Variants in OSBPL3 observed in about 807,000 individuals in gnomAD.
The protein encoded by OSBPL3 is oxysterol binding protein like 3.
Under a neutral mutation model 120.1 loss-of-function variants are expected in OSBPL3, and 65 were observed. The ratio of observed to expected loss-of-function variants is 0.54; its 90% CI spans 0.44 to 0.67. OSBPL3 has a LOEUF of 0.67. Among genes scored for constraint, OSBPL3 ranks in the 30% least tolerant of loss-of-function variants. The pLI is 0.00. For synonymous variants in OSBPL3, 416 were observed against 402.6 expected (o/e 1.03, Z -0.40); for missense variants, 1,004 against 1,082.1 (o/e 0.93, Z 1.01).
Position 24,834,397 on chromosome 7 carries a change from C to A in OSBPL3, c.1746+89G>T, listed in dbSNP as rs748030971. ...ACAATCAAAATGAAACCGGAGGGAACAGGGGCTGTCTCTCTGATGGGCCCC... is the reference window on the plus strand; with the variant it reads ...ACAATCAAAATGAAACCGGAGGGAAAAGGGGCTGTCTCTCTGATGGGCCCC... On this transcript the variant is annotated intron_variant, in intron 15 of 22. Coordinates refer to ENST00000313367, the MANE Select transcript of OSBPL3 (RefSeq NM_015550.4). The surrounding 1 kb of genome is among the most constrained non-coding windows in gnomAD (Gnocchi z 5.2). 28 of 1,536,502 alleles carry A rather than the reference C, an allele frequency of 1.8e-5. No individual in the cohort carries two copies. The East Asian group carries it at 5.7e-4, about 31-fold the overall frequency.
Position 24,804,199 on chromosome 7 carries a change from G to A in OSBPL3, c.2567+116C>T. 1.6e-6 allele frequency: 2 copies of A among 1,269,150 alleles called. No homozygotes were observed. Among genetic ancestry groups the A allele is most frequent in the South Asian group, 1.3e-5 (1 of 74,460 alleles). The allele number at this position is 1,269,150 out of a possible 1,614,324, so 78.6% of individuals were successfully genotyped here. ...GAGCAGTACCCCCACGTGGAAGCAG[G>A]AAAAGCCTGGAGAATGCTCTTATCT... On this transcript the variant is annotated intron_variant, in intron 22 of 22. Coordinates refer to ENST00000313367, the MANE Select transcript of OSBPL3 (RefSeq NM_015550.4). The surrounding 1 kb of genome is among the most constrained non-coding windows in gnomAD (Gnocchi z 5.4).
chr7:24,861,919 C>T, intron 9 of OSBPL3, 150 bp from the exon 10 acceptor site: 1 of 485,342 alleles, frequency 2.1e-6, no homozygotes, highest in Non-Finnish European at 3.5e-6. Flanking sequence ...TGGAGTCTCG[C>T]TCTGCCACCC....
intron 2 of OSBPL3, among the ~76,000 whole-genome samples, chr7:24,874,635 T>G (rs1258313065): frequency 6.6e-6 from 1 of 152,154 alleles, no homozygotes; most frequent in Non-Finnish European, 1.5e-5. Context: ...AGCACATCTG[T>G]TGGCCCTTAA....
intron 1 of OSBPL3, among the ~76,000 whole-genome samples, chr7:24,917,446 T>TATTTGTAACATATATATATACAC (rs1366145573): frequency 8.2e-6 from 1 of 122,228 alleles, no homozygotes; most frequent in African/African-American, 3.1e-5. Context: ...TATATATATA[T>TATTTGTAACATATATATATACAC]ACACACACAT....
At chr7:24,866,967 A>T (rs1801410054) in intron 5 of OSBPL3, among the ~76,000 whole-genome samples, 1 of 151,926 alleles carries the variant, frequency 6.6e-6, no homozygotes, top group Non-Finnish European at 1.5e-5. Context: ...TGCCCAGCTA[A>T]TTTTTTGTAT....
chr7:24,890,699 T>C (rs954128701), intron 2 of OSBPL3, among the ~76,000 whole-genome samples: 2 of 152,200 alleles, frequency 1.3e-5, no homozygotes, highest in Non-Finnish European at 2.9e-5. Flanking sequence ...TCTCCATTTA[T>C]AAAGTCACAG....
At chr7:24,882,573 T>A (rs964838540) in intron 2 of OSBPL3, among the ~76,000 whole-genome samples, 1 of 152,214 alleles carries the variant, frequency 6.6e-6, no homozygotes, top group African/African-American at 2.4e-5. Flanking sequence ...TGCAGGTACC[T>A]TTTAGATATA....
In OSBPL3 at chr7:24,798,004, G is replaced by C. The variant is rs1349404073; in HGVS notation, c.*2179C>G. ...TTATAATATCAGGATGCATCACCAAGCTGTTTAAATTTCAGAAAAGCCCTT... is the reference window on the plus strand; with the variant it reads ...TTATAATATCAGGATGCATCACCAACCTGTTTAAATTTCAGAAAAGCCCTT... On this transcript the variant is annotated 3_prime_UTR_variant, in exon 23 of 23. Coordinates refer to ENST00000313367, the MANE Select transcript of OSBPL3 (RefSeq NM_015550.4). This position sits in a 1 kb window ranked among gnomAD's most constrained non-coding sequence, Gnocchi z 4.6. 6.6e-6 allele frequency: 1 copy of C among 152,144 alleles called. No homozygotes were observed. Among genetic ancestry groups the C allele is most frequent in the Non-Finnish European group, 1.5e-5 (1 of 68,038 alleles). 9.4% of individuals were successfully genotyped at this position (152,144 alleles called of 1,614,324 possible). A position where few individuals can be genotyped will look rare whatever the true frequency, so the allele number is the denominator to read the frequency against.
rs76534521 is a variant in OSBPL3, at chr7:24,966,222, C to T, written c.-150+13664G>A. 0.017 allele frequency among the ~76,000 whole-genome samples: 2,557 copies of T among 152,312 alleles called. 69 individuals are homozygous for T. Among genetic ancestry groups the T allele is most frequent in the African/African-American group, 0.058 (2,429 of 41,556 alleles). On this transcript the variant is annotated intron_variant, in intron 1 of 22. Coordinates refer to ENST00000313367, the MANE Select transcript of OSBPL3 (RefSeq NM_015550.4). The surrounding 1 kb of genome is among the most constrained non-coding windows in gnomAD (Gnocchi z 4.8). Reference sequence around the variant, plus strand: ...GCCGCGAAGAGAAATCCAGCACCTGCGGAGACCACACACTGCACATTTTAC... The same window carrying T: ...GCCGCGAAGAGAAATCCAGCACCTGTGGAGACCACACACTGCACATTTTAC...
rs1562739154 is a variant in OSBPL3, at chr7:24,799,666, C to T, written c.*517G>A. ...AATGCAAATGAAAATATTCTTCAGACTCCAGCACCAGCAGAATTGTTCTGT... is the reference window on the plus strand; with the variant it reads ...AATGCAAATGAAAATATTCTTCAGATTCCAGCACCAGCAGAATTGTTCTGT... On this transcript the variant is annotated 3_prime_UTR_variant, in exon 23 of 23. Transcript: ENST00000313367. This position sits in a 1 kb window ranked among gnomAD's most constrained non-coding sequence, Gnocchi z 5.3. The T allele has an allele frequency of 6.6e-6, 1 of 152,648 alleles. No homozygotes were observed. Among genetic ancestry groups the T allele is most frequent in the Non-Finnish European group, 1.5e-5 (1 of 68,062 alleles). The allele number at this position is 152,648 out of a possible 1,614,324, so 9.5% of individuals were successfully genotyped here.
At position 24,824,714 on chromosome 7, in the gene OSBPL3, A is replaced by G. The variant is rs1286672544; in HGVS notation, c.1885-4476T>C. 6.6e-6 allele frequency among the ~76,000 whole-genome samples: 1 copy of G among 152,218 alleles called. No individual in the cohort carries two copies. The highest frequency in any genetic ancestry group is 1.5e-5 in the Non-Finnish European group (1 of 68,040). ...TTTTAGTATGGAAGTGGGTAAGACA[A>G]ACGACACATAAGAAGCACATAATTT... On this transcript the variant is annotated intron_variant, in intron 16 of 22. Transcript: ENST00000313367. The surrounding 1 kb of genome is among the most constrained non-coding windows in gnomAD (Gnocchi z 4.9).
chr7:24,902,701 A>AAATAATAATAATAAT lies in OSBPL3; in HGVS notation c.-149-10095_-149-10081dup, dbSNP rs70942894. Among the ~76,000 whole-genome samples, 1,157 of 144,004 alleles carry AAATAATAATAATAAT rather than the reference A, an allele frequency of 8.0e-3. 6 individuals carry two copies. Among genetic ancestry groups the AAATAATAATAATAAT allele is most frequent in the East Asian group, 0.02 (98 of 4,924 alleles). 94.5% of individuals were successfully genotyped at this position (144,004 alleles called of 152,430 possible). ...TCTATGGTCATTTACAAGAGAAAAT[A>AAATAATAATAATAAT]AATAATAATAATAATAATAATAATA... On this transcript the variant is annotated intron_variant, in intron 1 of 22. Coordinates refer to ENST00000313367, the MANE Select transcript of OSBPL3 (RefSeq NM_015550.4).
At chr7:24,974,538 G>A (rs1817368514) in intron 1 of OSBPL3, among the ~76,000 whole-genome samples, 1 of 152,312 alleles carries the variant, frequency 6.6e-6, no homozygotes, top group East Asian at 1.9e-4. Flanking sequence ...AGGGCCCAAA[G>A]GAACTTCTGG....
At chr7:24,870,604 G>A (rs1245924533) in intron 5 of OSBPL3, 128 bp downstream of exon 5, 6 of 655,072 alleles carry the variant, frequency 9.2e-6, no homozygotes, top group African/African-American at 7.1e-5. Context: ...CACTGTACAT[G>A]AGAAACACTT....
In OSBPL3 at chr7:24,886,104, C is replaced by A. The variant is rs572814097; in HGVS notation, c.96+6273G>T. Among the ~76,000 whole-genome samples, 18 of 152,292 alleles carry A rather than the reference C, an allele frequency of 1.2e-4. No individual in the cohort carries two copies. The South Asian group carries it at 3.1e-3, about 26-fold the overall frequency. ...TCTACTAAGCAACTGCATGTTTATT[C>A]ATTCATTAATTTAATCTACACTTAC... On this transcript the variant is annotated intron_variant, in intron 2 of 22. Coordinates refer to ENST00000313367, the MANE Select transcript of OSBPL3 (RefSeq NM_015550.4).
chr7:24,812,408 C>T (rs1287604131), intron 19 of OSBPL3, among the ~76,000 whole-genome samples: 3 of 151,948 alleles, frequency 2.0e-5, no homozygotes, highest in African/African-American at 7.3e-5. Flanking sequence ...TGGTCCAGGT[C>T]TGCGAGGCAA....
Position 24,849,108 on chromosome 7 carries a change from G to A in OSBPL3, c.1227C>T (p.Asp409=), listed in dbSNP as rs770183257. The A allele has an allele frequency of 1.9e-6, 3 of 1,613,960 alleles. No homozygotes were observed. Among genetic ancestry groups the A allele is most frequent in the East Asian group, 2.2e-5 (1 of 44,886 alleles). Residue 409 remains aspartate (D), a synonymous_variant, in exon 12 of 23, where the codon GAC becomes GAT. Coordinates refer to ENST00000313367, the MANE Select transcript of OSBPL3 (RefSeq NM_015550.4). The surrounding 1 kb of genome is among the most constrained non-coding windows in gnomAD (Gnocchi z 5.4). ...RRIHAESLLL[D]SPAVAKSGDN... ...CACCCGACTTGGCGACAGCGGGGGA[G>A]TCGAGGAGCAGAGACTCGGCATGGA...
Position 24,849,344 on chromosome 7 carries a change from T to G in OSBPL3, c.1159-168A>C. On this transcript the variant is annotated intron_variant, in intron 11 of 22. Coordinates refer to ENST00000313367, the MANE Select transcript of OSBPL3 (RefSeq NM_015550.4). The surrounding 1 kb of genome is among the most constrained non-coding windows in gnomAD (Gnocchi z 5.4). ...CCTTGAATGCTCTCCAAGAGGATACTGGTTCTGAGATGCCTGGGAGATGAC... is the reference window on the plus strand; with the variant it reads ...CCTTGAATGCTCTCCAAGAGGATACGGGTTCTGAGATGCCTGGGAGATGAC... The G allele has an allele frequency of 4.1e-6, 2 of 484,920 alleles. No individual in the cohort carries two copies. Among genetic ancestry groups the G allele is most frequent in the Non-Finnish European group, 3.7e-6 (1 of 268,754 alleles). The allele number at this position is 484,920 out of a possible 1,614,324, so 30.0% of individuals were successfully genotyped here.
chr7:24,977,642 G>C lies in OSBPL3; in HGVS notation c.-150+2244C>G, dbSNP rs906699471. ...GAGGCCGAGGTGGGCAGATCACAAG[G>C]TCAGGAGATCGAGACCACCCTGGCT... is the stretch of plus-strand genomic sequence containing the variant. On this transcript the variant is annotated intron_variant, in intron 1 of 22. Transcript: ENST00000313367. Among the ~76,000 whole-genome samples the C allele has an allele frequency of 1.2e-4, 18 of 152,288 alleles. No homozygotes were observed. The Middle Eastern group carries it at 0.01, about 86-fold the overall frequency.
Sources: gnomAD v4.1 joint callset for allele counts (sites outside exome capture counted in the v4.1 genomes callset) on GRCh38, gnomAD v4.1.1 for gene constraint, Gnocchi (gnomAD v3.1) non-coding constraint, MANE v1.5 for transcripts, NCBI Gene and HGNC (gene_info 2026-07-23, HGNC 2026-07-21) for gene names.